CDC14A: variants seen among roughly 807,000 people sequenced by gnomAD.
The protein encoded by CDC14A is cell division cycle 14A, also known as dual specificity protein phosphatase CDC14A.
In CDC14A, 53 loss-of-function variants were observed where a neutral mutation model predicts 74.4. The ratio of observed to expected loss-of-function variants is 0.71; its 90% CI spans 0.57 to 0.89. The LOEUF is 0.89. Ranked by LOEUF, CDC14A falls within the 40% of genes least tolerant of loss-of-function variation. The pLI is 0.00. For synonymous variants in CDC14A, 247 were observed against 258.4 expected, an observed-to-expected ratio of 0.96 and a Z score of 0.43; for missense variants, 646 against 713.7, an observed-to-expected ratio of 0.91 and a Z score of 1.08.
chr1:100,353,949 C>T (rs1160741714), intron 2 of CDC14A, 97 bp downstream of exon 2: 3 of 691,262 alleles, frequency 4.3e-6, no homozygotes, highest in Non-Finnish European at 7.6e-6. Flanking sequence ...TTCATTTCCC[C>T]CCCAATGATA....
chr1:100,475,784 C>A (rs1668832550), intron 10 of CDC14A, among the ~76,000 whole-genome samples: 1 of 152,122 alleles, frequency 6.6e-6, no homozygotes, highest in African/African-American at 2.4e-5. Context: ...TCCTGTGACA[C>A]CACTCCAGCT....
chr1:100,419,494 G>T (rs1053412648), intron 4 of CDC14A, among the ~76,000 whole-genome samples: 1 of 152,198 alleles, frequency 6.6e-6, no homozygotes, highest in Non-Finnish European at 1.5e-5. Context: ...CATGATAATT[G>T]TAAGTTACAC....
At position 100,423,542 on chromosome 1, in the gene CDC14A, A is replaced by G. The variant is rs139495939; in HGVS notation, c.310-680A>G. ...GTACCTGATACAGTGCCTGGCATATACTATATACTCAGTATCTATGTATAT... is the reference window on the plus strand; with the variant it reads ...GTACCTGATACAGTGCCTGGCATATGCTATATACTCAGTATCTATGTATAT... On this transcript the variant is annotated intron_variant, in intron 4 of 15. Transcript: ENST00000336454. Among the ~76,000 whole-genome samples the G allele has an allele frequency of 6.8e-3, 1,030 of 152,290 alleles. 5 individuals carry two copies. Among genetic ancestry groups the G allele is most frequent in the Middle Eastern group, 0.014 (4 of 294 alleles).
chr1:100,420,037 C>T (rs922993805), intron 4 of CDC14A, among the ~76,000 whole-genome samples: 26 of 10,868 alleles, frequency 2.4e-3, no homozygotes, highest in African/African-American at 8.0e-3. Flanking sequence ...TATATACACA[C>T]ACACACACAC....
upstream of CDC14A, among the ~76,000 whole-genome samples, chr1:100,348,816 T>C (rs1018465462): frequency 1.3e-5 from 2 of 152,254 alleles, no homozygotes; most frequent in African/African-American, 4.8e-5. Context: ...AGCAGTGAGT[T>C]TTCTAGAACT....
chr1:100,357,220 G>A (rs630646), intron 2 of CDC14A, among the ~76,000 whole-genome samples: 45,543 of 152,034 alleles, frequency 0.3, 7,185 homozygotes, highest in Non-Finnish European at 0.35. Flanking sequence ...TTCCCAAAGA[G>A]ACTAATAAAG....
intron 10 of CDC14A, among the ~76,000 whole-genome samples, chr1:100,484,053 AACTATATAG>A (rs1669789153): frequency 6.6e-6 from 1 of 152,196 alleles, no homozygotes; most frequent in Non-Finnish European, 1.5e-5. Flanking sequence ...TTCAGCAGTC[AACTATATAG>A]ACAAATATTG....
Position 100,496,028 on chromosome 1 carries a change from G to A in CDC14A, c.1277G>A (p.Arg426Lys), listed in dbSNP as rs1647729898. 1 of 1,613,720 alleles carries A rather than the reference G, an allele frequency of 6.2e-7. No individual in the cohort carries two copies. Among genetic ancestry groups the A allele is most frequent in the African/African-American group, 1.3e-5 (1 of 74,910 alleles). The change falls in exon 13 of 16, where the codon AGA becomes AAA. Residue 426 changes from arginine to lysine, a missense_variant. Transcript: ENST00000336454. ...TCAGATGATACAAAAGGACATCCAA[G>A]AGCAGTGTCCCAGCCTTTCAGGTAC... ...FRSDDTKGHP[R>K]AVSQPFRLSS...
At chr1:100,441,546 A>G (rs1199761408) in intron 6 of CDC14A, among the ~76,000 whole-genome samples, 2 of 152,316 alleles carry the variant, frequency 1.3e-5, no homozygotes, top group East Asian at 3.9e-4. Context: ...ACATGGATAT[A>G]AGCAAACCCT....
chr1:100,517,255 T>A (rs1038515619), intron 15 of CDC14A, among the ~76,000 whole-genome samples: 4 of 152,232 alleles, frequency 2.6e-5, no homozygotes, highest in Non-Finnish European at 5.9e-5. Flanking sequence ...TCTTTTTTAC[T>A]GATAACCTAT....
intron 4 of CDC14A, among the ~76,000 whole-genome samples, chr1:100,393,811 T>C (rs569972458): frequency 6.6e-6 from 1 of 151,992 alleles, no homozygotes; most frequent in South Asian, 2.1e-4. Flanking sequence ...GGCGTGGTGA[T>C]GCGAGCCTGT....
intron 11 of CDC14A, among the ~76,000 whole-genome samples, chr1:100,488,145 T>C (rs1201390068): frequency 6.6e-6 from 1 of 152,100 alleles, no homozygotes; most frequent in African/African-American, 2.4e-5. Flanking sequence ...TGGCTTGGAG[T>C]TATCTTAAAA....
chr1:100,401,568 A>G (rs1182941848), intron 4 of CDC14A, among the ~76,000 whole-genome samples: 1 of 152,270 alleles, frequency 6.6e-6, no homozygotes, highest in African/African-American at 2.4e-5. Flanking sequence ...TTAATACTGT[A>G]CATACAAACA....
At chr1:100,373,558 T>A (rs775500574) in intron 2 of CDC14A, among the ~76,000 whole-genome samples, 2 of 152,206 alleles carry the variant, frequency 1.3e-5, no homozygotes, top group East Asian at 3.9e-4. Flanking sequence ...TGTAAAAAAA[T>A]GCACTATCTG....
At chr1:100,466,379 A>G (rs1032424176) in intron 9 of CDC14A, among the ~76,000 whole-genome samples, 1 of 152,192 alleles carries the variant, frequency 6.6e-6, no homozygotes, top group African/African-American at 2.4e-5. Flanking sequence ...GGGAATTAAC[A>G]ACGATAGGCA....
Position 100,440,006 on chromosome 1 carries a change from C to G in CDC14A, c.456+8C>G. 6.2e-7 allele frequency: 1 copy of G among 1,601,866 alleles called. No individual in the cohort carries two copies. The highest frequency in any genetic ancestry group is 8.6e-7 in the Non-Finnish European group (1 of 1,169,060). On this transcript the variant is annotated splice_region_variant and intron_variant, in intron 6 of 15. Transcript: ENST00000336454. Reference sequence around the variant, plus strand: ...TTGCAGGGAATCAGAAAGGTAATAACAATTCTCCTTGCTGTAGTTGACACA... The same window carrying G: ...TTGCAGGGAATCAGAAAGGTAATAAGAATTCTCCTTGCTGTAGTTGACACA...
intron 3 of CDC14A, among the ~76,000 whole-genome samples, chr1:100,378,427 C>A (rs771240547): frequency 6.6e-6 from 1 of 152,234 alleles, no homozygotes; most frequent in East Asian, 1.9e-4. Flanking sequence ...AATTATATTG[C>A]TCAGGTATTT....
upstream of CDC14A, among the ~76,000 whole-genome samples, chr1:100,349,309 C>T (rs1047575026): frequency 2.0e-5 from 3 of 152,120 alleles, no homozygotes; most frequent in African/African-American, 7.2e-5. Context: ...TGTAAACTCT[C>T]TTAGTATTTC....
At chr1:100,455,524 T>C in intron 8 of CDC14A, 32 bp downstream of exon 8, 1 of 1,128,600 alleles carries the variant, frequency 8.9e-7, no homozygotes, top group Non-Finnish European at 1.3e-6. Context: ...CATCCAAACA[T>C]TTATTTTGAT....
Sources: allele counts gnomAD v4.1 joint callset (sites outside exome capture counted in the v4.1 genomes callset), GRCh38; gene constraint gnomAD v4.1.1; transcripts MANE v1.5; gene names NCBI Gene and HGNC (gene_info 2026-07-23, HGNC 2026-07-21).